The following ATP10B variants were observed in gnomAD, a reference collection of about 807,000 sequenced individuals.
ATP10B encodes the protein ATPase phospholipid transporting 10B (putative).
ATP10B carries 122 observed loss-of-function variants against 141.2 expected under a neutral mutation model. The observed-to-expected ratio is 0.86, with a 90% CI of 0.75 to 1.00. The LOEUF is 1.00. ATP10B is among the 50% of genes least tolerant of loss of function. The pLI is 0.00. For synonymous variants in ATP10B, 685 were observed against 692.0 expected, an observed-to-expected ratio of 0.99 and a Z score of 0.16; for missense variants, 1,876 against 1,825.3, an observed-to-expected ratio of 1.03 and a Z score of -0.51.
chr5:160,785,879 C>T, intron 1 of ATP10B, 76 bp from the exon 2 acceptor site: 1 of 275,048 alleles, frequency 3.6e-6, no homozygotes, highest in Non-Finnish European at 6.9e-6. Context: ...AAGTATTTTG[C>T]CCTTTTCTCT....
At chr5:160,574,050 C>A (rs1049238074) in intron 24 of ATP10B, among the ~76,000 whole-genome samples, 1 of 152,188 alleles carries the variant, frequency 6.6e-6, no homozygotes, top group African/African-American at 2.4e-5. Flanking sequence ...AGTTTATGAT[C>A]TACTAACAGG....
At chr5:160,663,494 A>G (rs1762090510) in intron 7 of ATP10B, among the ~76,000 whole-genome samples, 1 of 152,224 alleles carries the variant, frequency 6.6e-6, no homozygotes, top group African/African-American at 2.4e-5. Context: ...TTGTAGGGAC[A>G]TGGATGAAGC....
chr5:160,610,932 G>C (rs1392816184), intron 18 of ATP10B, among the ~76,000 whole-genome samples: 1 of 152,148 alleles, frequency 6.6e-6, no homozygotes, highest in African/African-American at 2.4e-5. Context: ...ACCTAGCAAA[G>C]AGATAATAAT....
chr5:160,707,017 G>A (rs1176576844), intron 3 of ATP10B, among the ~76,000 whole-genome samples: 1 of 151,994 alleles, frequency 6.6e-6, no homozygotes, highest in African/African-American at 2.4e-5. Context: ...GTGGCTCTGA[G>A]TCAGCTCACT....
chr5:160,593,235 T>C (rs1324815397), intron 22 of ATP10B, among the ~76,000 whole-genome samples: 1 of 152,064 alleles, frequency 6.6e-6, no homozygotes, highest in African/African-American at 2.4e-5. Flanking sequence ...AGAGGAACAA[T>C]CAGACAGCAG....
chr5:160,671,419 GA>G (rs1762698939), intron 6 of ATP10B, among the ~76,000 whole-genome samples: 1 of 152,102 alleles, frequency 6.6e-6, no homozygotes, highest in African/African-American at 2.4e-5. Flanking sequence ...TGGGATATGG[GA>G]AAGATTGTTT....
rs1291304500 is a variant in ATP10B at position 160,622,374 on chromosome 5, C to G, written c.1812+20G>C. 1 of 1,597,592 alleles carries G rather than the reference C, an allele frequency of 6.3e-7. No homozygotes were observed. The highest frequency in any genetic ancestry group is 8.5e-7 in the Non-Finnish European group (1 of 1,172,818). ...CTCTACCTCCTTTACCCTCCTCCCC[C>G]AGCCATCGCTGGTCCTTACCCTCTG... On this transcript the variant is annotated intron_variant, in intron 14 of 25. Transcript: ENST00000327245.
At chr5:160,845,651 C>T (rs542810962) in intron 1 of ATP10B, among the ~76,000 whole-genome samples, 63 of 152,226 alleles carry the variant, frequency 4.1e-4, no homozygotes, top group Non-Finnish European at 7.2e-4. Flanking sequence ...CACCTGAAAG[C>T]GTAGAGCCCC....
At chr5:160,914,837 A>G in the ATP10B span, among the ~76,000 whole-genome samples, 1 of 152,350 alleles carries the variant, frequency 6.6e-6, no homozygotes, top group East Asian at 1.9e-4. Flanking sequence ...TCAAAGGACC[A>G]TGAAAAAATT....
At chr5:160,694,508 T>C (rs1352356417) in intron 3 of ATP10B, among the ~76,000 whole-genome samples, 1 of 152,220 alleles carries the variant, frequency 6.6e-6, no homozygotes, top group East Asian at 1.9e-4. Context: ...AAGACAATCC[T>C]ATATGGGGGA....
chr5:160,682,503 C>A (rs1271340211), intron 6 of ATP10B, among the ~76,000 whole-genome samples: 2 of 152,160 alleles, frequency 1.3e-5, no homozygotes, highest in African/African-American at 4.8e-5. Context: ...CTAGGTCCTG[C>A]CAGCTCCCAG....
chr5:160,901,424 T>A, the ATP10B span, among the ~76,000 whole-genome samples: 1 of 152,188 alleles, frequency 6.6e-6, no homozygotes, highest in Non-Finnish European at 1.5e-5. Context: ...ATTCATTAAA[T>A]TAAAAGTAGT....
the ATP10B span, among the ~76,000 whole-genome samples, chr5:160,896,811 G>A: frequency 6.6e-6 from 1 of 152,124 alleles, no homozygotes; most frequent in Non-Finnish European, 1.5e-5. Context: ...CTGGGAAACT[G>A]AATCCAGCAG....
At chr5:160,783,264 C>G (rs780157333) in intron 2 of ATP10B, among the ~76,000 whole-genome samples, 2 of 151,508 alleles carry the variant, frequency 1.3e-5, no homozygotes, top group Non-Finnish European at 2.9e-5. Context: ...TGAGAACATA[C>G]GACGTTTGGT....
intron 2 of ATP10B, among the ~76,000 whole-genome samples, chr5:160,747,915 T>A (rs1250643040): frequency 6.9e-6 from 1 of 145,550 alleles, no homozygotes; most frequent in Non-Finnish European, 1.5e-5. Context: ...CCTGTTTGCC[T>A]CAAGTCCACC....
intron 2 of ATP10B, among the ~76,000 whole-genome samples, chr5:160,747,007 A>G (rs1217225001): frequency 6.6e-6 from 1 of 152,196 alleles, no homozygotes. Flanking sequence ...GGGGAAAAAA[A>G]TAGCTGCCTA....
intron 3 of ATP10B, among the ~76,000 whole-genome samples, 182 bp downstream of exon 3, chr5:160,716,727 A>C (rs554904284): frequency 6.6e-6 from 1 of 152,356 alleles, no homozygotes; most frequent in Non-Finnish European, 1.5e-5. Context: ...TAGGTAGTCC[A>C]AGGCTGATAT....
chr5:160,721,761 C>T (rs1037973997), intron 2 of ATP10B, among the ~76,000 whole-genome samples: 1 of 152,168 alleles, frequency 6.6e-6, no homozygotes, highest in East Asian at 1.9e-4. Context: ...GATTACTATC[C>T]ACACAGGGCT....
At chr5:160,721,610 G>A in intron 2 of ATP10B, among the ~76,000 whole-genome samples, 1 of 152,170 alleles carries the variant, frequency 6.6e-6, no homozygotes. Context: ...AAGAGGATGG[G>A]GCTACTGTGC....
Sources: gnomAD v4.1 joint callset for allele counts (sites outside exome capture counted in the v4.1 genomes callset) on GRCh38, gnomAD v4.1.1 for gene constraint, MANE v1.5 for transcripts, NCBI Gene and HGNC (gene_info 2026-07-23, HGNC 2026-07-21) for gene names.